The following TRIM2 variants were observed in gnomAD, a reference collection of about 807,000 sequenced individuals.
TRIM2 encodes tripartite motif containing 2.
A neutral mutation model predicts 75.2 loss-of-function variants in TRIM2; 20 were observed. The ratio of observed to expected loss-of-function variants is 0.27; its 90% CI spans 0.19 to 0.39. The LOEUF (loss-of-function observed/expected upper bound fraction) is 0.39, where lower values mean the gene tolerates loss of function less well. TRIM2 is among the 10% of genes least tolerant of loss of function. The pLI, the probability that TRIM2 is intolerant of heterozygous loss-of-function variation, is 1.00. For synonymous variants in TRIM2, 373 were observed against 388.3 expected (o/e 0.96, Z 0.46); for missense variants, 660 against 990.8 (o/e 0.67, Z 4.48).
intron 1 of TRIM2, among the ~76,000 whole-genome samples, chr4:153,232,192 C>T (rs1302656627): frequency 6.6e-6 from 1 of 152,154 alleles, no homozygotes; most frequent in Non-Finnish European, 1.5e-5. Context: ...GAGGGGGACA[C>T]AATTCAACTC....
In TRIM2 at chr4:153,314,369, G is replaced by A. The variant is rs1397939783; in HGVS notation, c.1511-1116G>A. On this transcript the variant is annotated intron_variant, in intron 6 of 11. Transcript: ENST00000338700. Reference sequence around the variant, plus strand: ...CGGGAGGTGGAGCTTGCAGTGAGCCGAGATCCCGCCACTGCACTCCAGCCT... The same window carrying A: ...CGGGAGGTGGAGCTTGCAGTGAGCCAAGATCCCGCCACTGCACTCCAGCCT... 6.7e-5 allele frequency among the ~76,000 whole-genome samples: 9 copies of A among 134,212 alleles called. 1 individual carries two copies. The highest frequency in any genetic ancestry group is 2.2e-4 in the African/African-American group (7 of 31,398). The allele number at this position is 134,212 out of a possible 152,430, so 88.0% of individuals were successfully genotyped here. A position where few individuals can be genotyped will look rare whatever the true frequency, so the allele number is the denominator to read the frequency against.
chr4:153,279,161 C>T (rs1216795092), intron 3 of TRIM2, among the ~76,000 whole-genome samples: 1 of 152,154 alleles, frequency 6.6e-6, no homozygotes, highest in African/African-American at 2.4e-5. Flanking sequence ...AGAGATGGAA[C>T]TAGAATGGCA....
intron 1 of TRIM2, among the ~76,000 whole-genome samples, chr4:153,187,836 G>C (rs903046925): frequency 2.6e-5 from 4 of 152,326 alleles, no homozygotes; most frequent in Middle Eastern, 3.4e-3. Context: ...CCATCTCCAA[G>C]GCCCCACACA....
At chr4:153,193,451 A>G (rs1479697982) in intron 1 of TRIM2, among the ~76,000 whole-genome samples, 2 of 152,194 alleles carry the variant, frequency 1.3e-5, no homozygotes, top group Admixed American at 1.3e-4. Context: ...CTTTAAGTGA[A>G]GAAATCTATG....
Position 153,165,478 on chromosome 4 carries a change from A to C in TRIM2, c.-49+12208A>C, listed in dbSNP as rs1730204562. 2.0e-5 allele frequency among the ~76,000 whole-genome samples: 3 copies of C among 151,954 alleles called. No homozygotes were observed. The South Asian group carries it at 6.2e-4, about 32-fold the overall frequency. On this transcript the variant is annotated intron_variant, in intron 1 of 11. Coordinates refer to the TRIM2 transcript ENST00000437508. ...CCCAAGTAACTGGGACTACGAACACATGCCACCATGCCTGGCTATTTTTGT... is the reference window on the plus strand; with the variant it reads ...CCCAAGTAACTGGGACTACGAACACCTGCCACCATGCCTGGCTATTTTTGT...
rs559369079 is a variant in TRIM2 at position 153,337,571 on chromosome 4, T to C, written c.*2605T>C. On this transcript the variant is annotated 3_prime_UTR_variant, in exon 12 of 12. Coordinates refer to ENST00000338700, the MANE Select transcript of TRIM2 (RefSeq NM_015271.5). ...AGATAACATTTCACACTTGGATACA[T>C]ATGTGCATTTACTGTATTTCTTGGT... 5.8e-5 allele frequency: 57 copies of C among 985,846 alleles called. No individual in the cohort carries two copies. The highest frequency in any genetic ancestry group is 6.6e-5 in the Non-Finnish European group (55 of 829,940). 61.1% of individuals were successfully genotyped at this position (985,846 alleles called of 1,614,324 possible).
chr4:153,253,505 A>T (rs1751349071), intron 1 of TRIM2, among the ~76,000 whole-genome samples: 3 of 152,202 alleles, frequency 2.0e-5, no homozygotes, highest in Non-Finnish European at 4.4e-5. Flanking sequence ...AAAAAAATAC[A>T]TGTGGAACTG....
chr4:153,311,249 T>A (rs1766224391), intron 6 of TRIM2, among the ~76,000 whole-genome samples: 1 of 152,212 alleles, frequency 6.6e-6, no homozygotes, highest in South Asian at 2.1e-4. Flanking sequence ...TTCCTCATAT[T>A]TTCCCTCCTC....
intron 1 of TRIM2, among the ~76,000 whole-genome samples, chr4:153,164,552 G>GA (rs146837847): frequency 2.7e-5 from 4 of 150,548 alleles, no homozygotes; most frequent in African/African-American, 4.9e-5. Context: ...CAACATTCAA[G>GA]AAAAAAAAAG....
At chr4:153,200,655 T>A (rs1277182653), upstream of TRIM2, among the ~76,000 whole-genome samples, 1 of 151,222 alleles carries the variant, frequency 6.6e-6, no homozygotes, top group African/African-American at 2.4e-5. Flanking sequence ...CCACCAGCAA[T>A]GTACCAGGGT....
chr4:153,168,049 T>C (rs930310387), intron 1 of TRIM2, among the ~76,000 whole-genome samples: 29 of 152,192 alleles, frequency 1.9e-4, no homozygotes, highest in Admixed American at 1.7e-3. Context: ...TTTTTAAAAA[T>C]AGAGAAAATG....
intron 1 of TRIM2, among the ~76,000 whole-genome samples, chr4:153,185,502 G>C (rs1159477326): frequency 6.6e-6 from 1 of 151,756 alleles, no homozygotes; most frequent in African/African-American, 2.4e-5. Flanking sequence ...GCCACAGCAG[G>C]GACTGCCAAT....
chr4:153,308,751 A>T lies in TRIM2; in HGVS notation c.1511-6734A>T, dbSNP rs569817446. The T allele has an allele frequency of 9.3e-6, 5 of 536,000 alleles. No individual in the cohort carries two copies. The Admixed American group carries it at 1.0e-4, about 11-fold the overall frequency. 33.2% of individuals were successfully genotyped at this position (536,000 alleles called of 1,614,324 possible). On this transcript the variant is annotated intron_variant, in intron 6 of 11. Coordinates refer to ENST00000338700, the MANE Select transcript of TRIM2 (RefSeq NM_015271.5). The stretch of plus-strand genomic sequence containing the variant: ...AGCTGAGCTTGCACAGGATTTCATG[A>T]ACAGCAGATATTTTGAAGGAAGCTG...
intron 1 of TRIM2, among the ~76,000 whole-genome samples, chr4:153,160,136 C>A (rs1729608075): frequency 6.6e-6 from 1 of 152,156 alleles, no homozygotes; most frequent in Non-Finnish European, 1.5e-5. Context: ...CAGTTTTGAA[C>A]CATCTTTTTA....
chr4:153,339,086 G>C lies in TRIM2; in HGVS notation c.*4120G>C. 1.0e-6 allele frequency: 1 copy of C among 985,248 alleles called. No individual in the cohort carries two copies. The highest frequency in any genetic ancestry group is 1.2e-6 in the Non-Finnish European group (1 of 829,794). The allele number at this position is 985,248 out of a possible 1,614,324, so 61.0% of individuals were successfully genotyped here. A position where few individuals can be genotyped will look rare whatever the true frequency, so the allele number is the denominator to read the frequency against. On this transcript the variant is annotated 3_prime_UTR_variant, in exon 12 of 12. Transcript: ENST00000338700. The stretch of plus-strand genomic sequence containing the variant: ...TGATACTGATATATTCTCGTCATTT[G>C]TTCTTTTATGAATCAAAATGTTGAC...
chr4:153,316,557 G>A (rs769412974), intron 8 of TRIM2, among the ~76,000 whole-genome samples: 4 of 151,980 alleles, frequency 2.6e-5, no homozygotes, highest in East Asian at 3.8e-4. Flanking sequence ...GAAAACATAC[G>A]TACATAATAT....
intron 1 of TRIM2, among the ~76,000 whole-genome samples, chr4:153,194,406 C>G (rs1176802478): frequency 1.3e-5 from 2 of 152,088 alleles, no homozygotes; most frequent in Non-Finnish European, 2.9e-5. Flanking sequence ...TTTCATTCCA[C>G]TTAATCATTT....
At chr4:153,153,976 T>TG (rs1193120849) in intron 1 of TRIM2, among the ~76,000 whole-genome samples, 3 of 147,850 alleles carry the variant, frequency 2.0e-5, no homozygotes, top group Non-Finnish European at 4.4e-5. Flanking sequence ...GTGGGGGGTG[T>TG]GGTTTTTTTT....
intron 1 of TRIM2, among the ~76,000 whole-genome samples, chr4:153,217,391 C>T (rs1738773715): frequency 6.6e-6 from 1 of 152,058 alleles, no homozygotes; most frequent in Admixed American, 6.6e-5. Flanking sequence ...AAGATTTGGA[C>T]AGGGGAAGAT....
Sources: allele counts gnomAD v4.1 joint callset (sites outside exome capture counted in the v4.1 genomes callset), GRCh38; gene constraint gnomAD v4.1.1; transcripts MANE v1.5; gene names NCBI Gene and HGNC (gene_info 2026-07-23, HGNC 2026-07-21).